The following CDH23 variants were observed in gnomAD, a reference collection of about 807,000 sequenced individuals.
CDH23 encodes the protein cadherin related 23.
Under a neutral mutation model 317.1 loss-of-function variants are expected in CDH23, and 189 were observed. The observed-to-expected ratio is 0.60, with a 90% CI of 0.53 to 0.67. CDH23 has a LOEUF of 0.67. CDH23 is among the 30% of genes least tolerant of loss of function. CDH23 has a pLI of 0.00. For synonymous variants in CDH23, 1,839 were observed against 1,876.8 expected (o/e 0.98, Z 0.52); for missense variants, 4,401 against 4,592.4 (o/e 0.96, Z 1.20).
chr10:71,488,151 A>G (rs58255090), intron 3 of CDH23, among the ~76,000 whole-genome samples: 5,997 of 152,300 alleles, frequency 0.039, 412 homozygotes, highest in African/African-American at 0.14. Context: ...TGGACCATCA[A>G]CAGTTGTTTT....
At chr10:71,814,884 CT>C (rs1282758456) in intron 69 of CDH23, 67 bp from the exon 70 acceptor site, 2 of 1,494,950 alleles carry the variant, frequency 1.3e-6, no homozygotes, top group Non-Finnish European at 1.8e-6. Context: ...CAGTGGGTCT[CT>C]GGGGCCATCC....
rs370337787 is a variant in CDH23 at position 71,814,852 on chromosome 10, G to T, written c.9739-100G>T. The T allele has an allele frequency of 1.5e-4, 208 of 1,367,576 alleles. 4 individuals are homozygous for T. In the South Asian group the frequency reaches 2.9e-3, roughly 19 times the overall value. 84.7% of individuals were successfully genotyped at this position (1,367,576 alleles called of 1,614,324 possible). ...GTCTGACAGGCCTGCTGCGGTAGGA[G>T]CCCAAGGTTCAGCCACATAGCCAGT... On this transcript the variant is annotated intron_variant, in intron 69 of 69. Transcript: ENST00000224721.
chr10:71,622,985 G>A (rs1861540650), intron 11 of CDH23: 15 of 983,768 alleles, frequency 1.5e-5, no homozygotes, highest in African/African-American at 1.7e-5. Context: ...ACTTACGCAG[G>A]TTGGGGGTTA....
intron 44 of CDH23, among the ~76,000 whole-genome samples, 190 bp downstream of exon 44, chr10:71,785,928 C>T (rs138737717): frequency 3.3e-4 from 51 of 152,274 alleles, no homozygotes; most frequent in African/African-American, 1.2e-3. Context: ...CTCCTCTTGG[C>T]CTCCATTTCT....
rs759020129 is a variant in CDH23 at position 71,807,534 on chromosome 10, A to T, written c.8327A>T (p.Asn2776Ile). 3 of 1,613,888 alleles carry T rather than the reference A, an allele frequency of 1.9e-6. No individual in the cohort carries two copies. The Admixed American group carries it at 5.0e-5, about 27-fold the overall frequency. Residue 2776 changes from asparagine (N) to isoleucine (I), a missense_variant, in exon 59 of 70, where the codon AAC becomes ATC. This residue lies in a region of CDH23 where 1,144 missense variants were observed against 1,138.2 expected (regional missense o/e 1.01). Coordinates refer to ENST00000224721, the MANE Select transcript of CDH23 (RefSeq NM_022124.6). ...YFIAAGNEEK[N>I]FHLQPDGCLL... ...CCCTCAGCCGGCAACGAAGAGAAGAACTTCCATCTGCAGCCCGATGGGTGT... is the reference window on the plus strand; with the variant it reads ...CCCTCAGCCGGCAACGAAGAGAAGATCTTCCATCTGCAGCCCGATGGGTGT...
chr10:71,709,252 C>A, intron 27 of CDH23, 41 bp downstream of exon 27: 1 of 1,559,400 alleles, frequency 6.4e-7, no homozygotes, highest in Non-Finnish European at 8.8e-7. Context: ...GTGATCTGGG[C>A]AGAGTTCACA....
intron 3 of CDH23, among the ~76,000 whole-genome samples, chr10:71,499,268 G>A (rs189761229): frequency 6.6e-6 from 1 of 152,184 alleles, no homozygotes; most frequent in East Asian, 1.9e-4. Context: ...AAGAGGGGAT[G>A]GTTGATGAGT....
At chr10:71,517,344 C>A (rs1474319487) in intron 6 of CDH23, among the ~76,000 whole-genome samples, 1 of 152,196 alleles carries the variant, frequency 6.6e-6, no homozygotes, top group African/African-American at 2.4e-5. Context: ...GTTCCTGGAT[C>A]TCAGCCCTGT....
Position 71,784,938 on chromosome 10 carries a change from G to T in CDH23, c.5550G>T (p.Val1850=). The change falls in exon 43 of 70, where the codon GTG becomes GTT. Residue 1850 remains valine (V), a synonymous_variant. Transcript: ENST00000224721. ...RVLDINDNDP[V]LLNLPMNITI... ...TGGACATCAACGACAACGACCCTGT[G>T]CTGCTGAACCTGCCCATGAACATCA... The T allele has an allele frequency of 6.2e-7, 1 of 1,614,066 alleles. No homozygotes were observed. The highest frequency in any genetic ancestry group is 8.5e-7 in the Non-Finnish European group (1 of 1,179,920).
intron 11 of CDH23, chr10:71,622,858 C>G: frequency 1.2e-6 from 1 of 861,040 alleles, no homozygotes; most frequent in Non-Finnish European, 1.4e-6. Flanking sequence ...CTTCCCCACC[C>G]CAGAGAGGCC....
chr10:71,743,842 A>G (rs966775030), intron 38 of CDH23, among the ~76,000 whole-genome samples: 1 of 152,242 alleles, frequency 6.6e-6, no homozygotes, highest in African/African-American at 2.4e-5. Context: ...TCTACAGAGA[A>G]TGTGGATTTC....
At chr10:71,445,266 T>G (rs1234739040) in intron 2 of CDH23, among the ~76,000 whole-genome samples, 1 of 152,190 alleles carries the variant, frequency 6.6e-6, no homozygotes, top group Non-Finnish European at 1.5e-5. Flanking sequence ...CCATCAGGAT[T>G]GAGTGAGGTG....
intron 1 of CDH23, among the ~76,000 whole-genome samples, chr10:71,412,614 T>A (rs1164384526): frequency 6.6e-6 from 1 of 152,220 alleles, no homozygotes; most frequent in Non-Finnish European, 1.5e-5. Flanking sequence ...GCTCAAGTGA[T>A]CTTCACGCCT....
chr10:71,574,976 C>A (rs1858080781), intron 8 of CDH23, among the ~76,000 whole-genome samples: 1 of 152,050 alleles, frequency 6.6e-6, no homozygotes, highest in East Asian at 1.9e-4. Context: ...CACCATGTGA[C>A]TCTCAGCAAA....
chr10:71,517,296 G>A (rs57902662), intron 6 of CDH23, among the ~76,000 whole-genome samples: 8,488 of 152,220 alleles, frequency 0.056, 806 homozygotes, highest in African/African-American at 0.19. Context: ...TTTCCTCCCA[G>A]ACACTGAAAG....
intron 5 of CDH23, 33 bp downstream of exon 5, chr10:71,511,034 C>A (rs754833941): frequency 1.2e-6 from 2 of 1,613,364 alleles, no homozygotes; most frequent in Admixed American, 3.3e-5. Flanking sequence ...GAGGCATGTT[C>A]CTGGGGTCAC....
chr10:71,741,044 C>T, intron 37 of CDH23, 94 bp downstream of exon 37: 1 of 1,415,680 alleles, frequency 7.1e-7, no homozygotes, highest in South Asian at 1.2e-5. Flanking sequence ...TCTGCCTGGC[C>T]CACTGGTCCC....
chr10:71,781,925 C>T (rs1313809808), intron 41 of CDH23, among the ~76,000 whole-genome samples: 5 of 152,196 alleles, frequency 3.3e-5, no homozygotes, highest in African/African-American at 1.2e-4. Context: ...ACATCTCCTC[C>T]CACCTCGGGG....
At chr10:71,639,797 C>A (rs979862004) in intron 11 of CDH23, among the ~76,000 whole-genome samples, 7 of 152,124 alleles carry the variant, frequency 4.6e-5, no homozygotes, top group African/African-American at 1.7e-4. Flanking sequence ...CACAGGACTG[C>A]GATCAGTAGG....
Sources: allele counts gnomAD v4.1 joint callset (sites outside exome capture counted in the v4.1 genomes callset), GRCh38; gene constraint gnomAD v4.1.1; regional missense constraint gnomAD v4.1.1; transcripts MANE v1.5; gene names NCBI Gene and HGNC (gene_info 2026-07-23, HGNC 2026-07-21).